The following FBLN5 variants were observed in gnomAD, a reference collection of about 807,000 sequenced individuals.
The protein encoded by FBLN5 is fibulin-5.
In FBLN5, 24 loss-of-function variants were observed where a neutral mutation model predicts 61.6. The observed-to-expected ratio is 0.39, with a 90% CI of 0.28 to 0.55. The LOEUF (loss-of-function observed/expected upper bound fraction) is 0.55. Ranked by LOEUF, FBLN5 falls within the 20% of genes least tolerant of loss-of-function variation. FBLN5 has a pLI of 0.65. For missense variants in FBLN5, 470 were observed against 594.1 expected (o/e 0.79, Z 2.17); for synonymous variants, 213 against 219.8 (o/e 0.97, Z 0.27).
chr14:91,872,912 G>A lies in FBLN5; in HGVS notation c.1186-2527C>T, dbSNP rs183261115. Reference sequence around the variant, plus strand: ...ACCCTGAGCTAGGGACAGCCCTCCAGAGGGAGATCTGCAGAGCCCAAGGTC... The same window carrying A: ...ACCCTGAGCTAGGGACAGCCCTCCAAAGGGAGATCTGCAGAGCCCAAGGTC... On this transcript the variant is annotated intron_variant, in intron 10 of 10. Transcript: ENST00000342058. 1.7e-4 allele frequency among the ~76,000 whole-genome samples: 26 copies of A among 152,354 alleles called. No individual in the cohort carries two copies. In the East Asian group the frequency reaches 5.0e-3, roughly 29 times the overall value.
intron 4 of FBLN5, among the ~76,000 whole-genome samples, chr14:91,895,702 C>T (rs1890192853): frequency 6.9e-6 from 1 of 144,876 alleles, no homozygotes; most frequent in Non-Finnish European, 1.5e-5. Flanking sequence ...GGAGACTGAG[C>T]TGGGAGGATC....
chr14:91,877,898 G>A (rs1889245897), intron 9 of FBLN5: 1 of 655,950 alleles, frequency 1.5e-6, no homozygotes, highest in Non-Finnish European at 2.8e-6. Flanking sequence ...TCACCAACCA[G>A]ATGTTCTGGC....
chr14:91,901,288 T>C (rs749333772), intron 4 of FBLN5, among the ~76,000 whole-genome samples: 3 of 152,180 alleles, frequency 2.0e-5, no homozygotes, highest in Non-Finnish European at 4.4e-5. Context: ...AGTTCTTGTG[T>C]GAGAACGGCC....
chr14:91,869,720 C>A lies in FBLN5; in HGVS notation c.*504G>T. 6.0e-6 allele frequency: 1 copy of A among 166,640 alleles called. No homozygotes were observed. The highest frequency in any genetic ancestry group is 2.4e-5 in the African/African-American group (1 of 41,974). 10.3% of individuals were successfully genotyped at this position (166,640 alleles called of 1,614,324 possible). The stretch of plus-strand genomic sequence containing the variant: ...TTTTGAAACACATTCTCTAAAAACC[C>A]TTCGATCCTGCTGTGGTTTGTTTAC... On this transcript the variant is annotated 3_prime_UTR_variant, in exon 11 of 11. Coordinates refer to ENST00000342058, the MANE Select transcript of FBLN5 (RefSeq NM_006329.4).
chr14:91,921,890 G>A (rs1397667409), intron 4 of FBLN5, among the ~76,000 whole-genome samples: 1 of 152,214 alleles, frequency 6.6e-6, no homozygotes, highest in Non-Finnish European at 1.5e-5. Flanking sequence ...GACCAACCAG[G>A]GCACGTCGTG....
At chr14:91,933,061 A>C (rs2055953572) in intron 4 of FBLN5, among the ~76,000 whole-genome samples, 1 of 152,152 alleles carries the variant, frequency 6.6e-6, no homozygotes, top group Non-Finnish European at 1.5e-5. Flanking sequence ...ATGTTAGTGA[A>C]ATGTTTTGTG....
At chr14:91,894,830 G>GCCCCCCC in intron 5 of FBLN5, 120 bp downstream of exon 5, 1 of 175,992 alleles carries the variant, frequency 5.7e-6, no homozygotes, top group Non-Finnish European at 1.2e-5. Context: ...CACCCCTCCC[G>GCCCCCCC]CCCTCCCTAG....
At chr14:91,924,882 C>G (rs1008020605) in intron 4 of FBLN5, among the ~76,000 whole-genome samples, 1 of 152,136 alleles carries the variant, frequency 6.6e-6, no homozygotes, top group African/African-American at 2.4e-5. Context: ...AGAAGGCCAC[C>G]CCTCACTCAG....
In FBLN5 at chr14:91,947,085, C is replaced by T. The variant is rs1307446514; in HGVS notation, c.17+128G>A. ...TTTATAATTAACAATATCATTGCAT[C>T]ACTAGCTCATGCCTTTTCCAATATC... On this transcript the variant is annotated intron_variant, in intron 1 of 10. Coordinates refer to ENST00000342058, the MANE Select transcript of FBLN5 (RefSeq NM_006329.4). This position sits in a 1 kb window ranked among gnomAD's most constrained non-coding sequence, Gnocchi z 4.3. 1 of 1,540,180 alleles carries T rather than the reference C, an allele frequency of 6.5e-7. No homozygotes were observed. The highest frequency in any genetic ancestry group is 8.8e-7 in the Non-Finnish European group (1 of 1,130,666).
At chr14:91,915,326 A>C (rs1891142070) in intron 4 of FBLN5, among the ~76,000 whole-genome samples, 1 of 152,178 alleles carries the variant, frequency 6.6e-6, no homozygotes, top group Non-Finnish European at 1.5e-5. Flanking sequence ...TCTTAGAAAA[A>C]GGTAACTATG....
chr14:91,891,093 C>T (rs1889974361), intron 6 of FBLN5, 128 bp downstream of exon 6: 3 of 732,078 alleles, frequency 4.1e-6, no homozygotes, highest in Non-Finnish European at 2.5e-6. Context: ...TGGGGATGGG[C>T]GGGCAGTGGC....
At chr14:91,940,050 G>C (rs1394243867) in intron 3 of FBLN5, 1 of 438,830 alleles carries the variant, frequency 2.3e-6, no homozygotes, top group African/African-American at 2.0e-5. Context: ...AAAGCAGGAG[G>C]CTTCTAAAAG....
At chr14:91,915,930 A>G (rs528638250) in intron 4 of FBLN5, among the ~76,000 whole-genome samples, 20 of 152,310 alleles carry the variant, frequency 1.3e-4, no homozygotes, top group Non-Finnish European at 2.2e-4. Flanking sequence ...AACTAGTAAG[A>G]GTAATATTAA....
chr14:91,893,746 G>A (rs1327673084), intron 5 of FBLN5, among the ~76,000 whole-genome samples: 2 of 152,244 alleles, frequency 1.3e-5, no homozygotes, highest in African/African-American at 4.8e-5. Context: ...TAAACAGAAA[G>A]ATCAGAGAGC....
intron 4 of FBLN5, among the ~76,000 whole-genome samples, chr14:91,896,887 C>T (rs973899559): frequency 2.6e-5 from 4 of 152,150 alleles, no homozygotes; most frequent in Non-Finnish European, 5.9e-5. Flanking sequence ...GTCTAAGACC[C>T]AAAAGTGCAA....
chr14:91,933,959 A>C (rs1407369389), intron 4 of FBLN5, among the ~76,000 whole-genome samples: 1 of 152,116 alleles, frequency 6.6e-6, no homozygotes, highest in Non-Finnish European at 1.5e-5. Context: ...AAAAAATACA[A>C]AAATAAGCCA....
intron 4 of FBLN5, among the ~76,000 whole-genome samples, chr14:91,932,816 G>T (rs1228874284): frequency 1.3e-5 from 2 of 152,234 alleles, no homozygotes; most frequent in African/African-American, 4.8e-5. Context: ...CAACAAATAA[G>T]TGGCCAGGGA....
At chr14:91,938,901 G>C (rs181966175) in intron 3 of FBLN5, among the ~76,000 whole-genome samples, 1 of 152,182 alleles carries the variant, frequency 6.6e-6, no homozygotes, top group Non-Finnish European at 1.5e-5. Flanking sequence ...TGAAGCCATC[G>C]CTGAAATGGG....
intron 7 of FBLN5, among the ~76,000 whole-genome samples, chr14:91,883,483 T>C (rs1371477518): frequency 6.6e-6 from 1 of 151,848 alleles, no homozygotes; most frequent in Non-Finnish European, 1.5e-5. Context: ...CAAAAAAACA[T>C]TCCCTGGCCC....
Sources: gnomAD v4.1 joint callset for allele counts (sites outside exome capture counted in the v4.1 genomes callset) on GRCh38, gnomAD v4.1.1 for gene constraint, Gnocchi (gnomAD v3.1) non-coding constraint, MANE v1.5 for transcripts, NCBI Gene and HGNC (gene_info 2026-07-23, HGNC 2026-07-21) for gene names.